The following WDR91 variants were observed in gnomAD, a reference collection of about 807,000 sequenced individuals.
The protein encoded by WDR91 is WD repeat domain 91, also known as WD repeat-containing protein 91.
In WDR91, 52 loss-of-function variants were observed where a neutral mutation model predicts 88.4. The observed-to-expected ratio is 0.59, with a 90% CI of 0.47 to 0.74. The LOEUF (loss-of-function observed/expected upper bound fraction) is 0.74. Ranked by LOEUF, WDR91 falls within the 30% of genes least tolerant of loss-of-function variation. The probability of loss-of-function intolerance (pLI) is 0.00; values close to 1 mark genes in which losing one functional copy is unlikely to be tolerated. For missense variants in WDR91, 824 were observed against 954.5 expected (o/e 0.86, Z 1.80); for synonymous variants, 362 against 389.5 (o/e 0.93, Z 0.83).
At chr7:135,186,899 A>G in intron 14 of WDR91, 73 bp downstream of exon 14, 3 of 1,574,808 alleles carry the variant, frequency 1.9e-6, no homozygotes, top group Non-Finnish European at 2.6e-6. Flanking sequence ...CTCAGTAGCC[A>G]TGGCCCAGAC....
Position 135,196,039 on chromosome 7 carries a change from C to T in WDR91, c.1244+105G>A, listed in dbSNP as rs1831352310. The T allele has an allele frequency of 6.0e-6, 7 of 1,175,404 alleles. No individual in the cohort carries two copies. Among genetic ancestry groups the T allele is most frequent in the Non-Finnish European group, 7.0e-6 (6 of 859,520 alleles). 72.8% of individuals were successfully genotyped at this position (1,175,404 alleles called of 1,614,324 possible). ...ACTCTACTGCCATGACTGTGGCCCT[C>T]GTCCAAGCCCCCATTCTCCGCCATC... On this transcript the variant is annotated intron_variant, in intron 8 of 14. Transcript: ENST00000354475. The surrounding 1 kb of genome is among the most constrained non-coding windows in gnomAD (Gnocchi z 4.2).
chr7:135,195,854 C>A (rs147700218), intron 8 of WDR91, among the ~76,000 whole-genome samples: 4 of 151,564 alleles, frequency 2.6e-5, no homozygotes, highest in Non-Finnish European at 4.4e-5. Context: ...GGCTGAGGCA[C>A]GAGAATCGCT....
intron 9 of WDR91, among the ~76,000 whole-genome samples, chr7:135,194,297 TG>T (rs1402824754): frequency 1.3e-5 from 2 of 152,194 alleles, no homozygotes; most frequent in Non-Finnish European, 2.9e-5. Flanking sequence ...GGCATTCACT[TG>T]GCAAACTGGC....
rs1831310954 is a variant in WDR91, at chr7:135,195,031, T to A, written c.1298A>T (p.Lys433Ile). Residue 433 changes from lysine (K) to isoleucine (I), a missense_variant, in exon 9 of 15, where the codon AAA becomes ATA. Physicochemically the swap from Lys to Ile is moderately radical, Grantham distance 102. Transcript: ENST00000354475. ...VASLDVDGVI[K>I]VWSFNPIMQT... ...CATGATGGGGTTGAAGGACCACACT[T>A]TGATGACCCCATCTACGTCTAAGCT... 1 of 1,614,020 alleles carries A rather than the reference T, an allele frequency of 6.2e-7. No individual in the cohort carries two copies. The highest frequency in any genetic ancestry group is 1.3e-5 in the African/African-American group (1 of 74,924).
chr7:135,197,045 T>G (rs1250400394), intron 7 of WDR91: 1 of 152,270 alleles, frequency 6.6e-6, no homozygotes, highest in Non-Finnish European at 1.5e-5. Flanking sequence ...GGTGCTCACC[T>G]AGACACAATC....
Position 135,193,352 on chromosome 7 carries a change from G to T in WDR91, c.1538C>A (p.Ser513Ter). 1 of 1,614,196 alleles carries T rather than the reference G, an allele frequency of 6.2e-7. No individual in the cohort carries two copies. Among genetic ancestry groups the T allele is most frequent in the South Asian group, 1.1e-5 (1 of 91,076 alleles). ...CSPNGASFVC[S>*]AAAPSLTSQV... ...GGAAGTGAGGCTCGGAGCTGCTGCC[G>T]AACAGACGAAAGAGGCCCCGTTGGG... Residue 513 changes from serine (S) to a stop codon, truncating the protein, a stop_gained, in exon 11 of 15, where the codon TCG becomes TAG. Transcript: ENST00000354475. LOFTEE classifies it high-confidence loss of function.
chr7:135,211,298 C>G (rs1832008510), intron 1 of WDR91, 82 bp downstream of exon 1: 2 of 1,511,658 alleles, frequency 1.3e-6, no homozygotes, highest in Admixed American at 2.2e-5. Context: ...CCGCTCTCGC[C>G]CCGGAGGCAG....
intron 6 of WDR91, 93 bp from the exon 7 acceptor site, chr7:135,198,244 TG>T: frequency 5.0e-6 from 7 of 1,404,438 alleles, no homozygotes; most frequent in Non-Finnish European, 6.7e-6. Context: ...CGGGGGGGCG[TG>T]GTGGGTTGGG....
chr7:135,204,277 G>A lies in WDR91; in HGVS notation c.882C>T (p.Phe294=), dbSNP rs199762627. The change falls in exon 6 of 15, where the codon TTC becomes TTT. Residue 294 remains phenylalanine (F), a synonymous_variant. Coordinates refer to ENST00000354475, the MANE Select transcript of WDR91 (RefSeq NM_014149.4). Reference sequence around the variant, plus strand: ...CAGGACTTGTGCTTACCTGACCACCGAAGGACTCTTTCTTGGCCGAGCTCT... The same window carrying A: ...CAGGACTTGTGCTTACCTGACCACCAAAGGACTCTTTCTTGGCCGAGCTCT... ...QPQSSAKKES[F]GGQGTKGKDP... 1.1e-4 allele frequency: 176 copies of A among 1,614,006 alleles called. 3 individuals carry two copies. The highest frequency in any genetic ancestry group is 6.4e-4 in the South Asian group (58 of 91,076).
intron 6 of WDR91, chr7:135,198,902 A>C (rs1467300687): frequency 6.6e-6 from 1 of 152,116 alleles, no homozygotes; most frequent in Admixed American, 6.5e-5. Flanking sequence ...AGGAGCTGCC[A>C]CCCCCACATC....
intron 11 of WDR91, among the ~76,000 whole-genome samples, chr7:135,190,709 AAC>A (rs1340789395): frequency 6.6e-6 from 1 of 152,244 alleles, no homozygotes; most frequent in African/African-American, 2.4e-5. Context: ...AAAAATGAGA[AAC>A]ACAATAACTG....
chr7:135,187,045 C>T lies in WDR91; in HGVS notation c.2006G>A (p.Gly669Asp), dbSNP rs1162650274. ...SGYKQVQVPRGRLFAFDSEGN... is the reference protein window; with the variant it reads ...SGYKQVQVPRDRLFAFDSEGN... ...CTCCGAGTCAAAAGCGAAGAGTCGG[C>T]CCCTGGGGACTTGAACCTGCTTGTA... The change falls in exon 14 of 15, where the codon GGC (glycine) becomes GAC (aspartate). Residue 669 changes from glycine (G) to aspartate (D), a missense_variant. Transcript: ENST00000354475. 6.2e-7 allele frequency: 1 copy of T among 1,614,142 alleles called. No individual in the cohort carries two copies.
Position 135,208,945 on chromosome 7 carries a change from G to A in WDR91, c.357C>T (p.Leu119=), listed in dbSNP as rs1831911518. ...AATCCTTCCACTCAGCCTGGTTCTG[G>A]AGTTCCGTGGCCTGCTTTGCAAAGA... The part of the protein sequence containing the change: ...QEFFAKQATE[L]QNQAEWKDWF... The change falls in exon 3 of 15, where the codon CTC becomes CTT. Residue 119 remains leucine, a synonymous_variant. Transcript: ENST00000354475. 1 of 1,614,216 alleles carries A rather than the reference G, an allele frequency of 6.2e-7. No homozygotes were observed. Among genetic ancestry groups the A allele is most frequent in the Non-Finnish European group, 8.5e-7 (1 of 1,180,046 alleles).
chr7:135,205,754 C>T (rs1831746817), intron 5 of WDR91, among the ~76,000 whole-genome samples, 174 bp downstream of exon 5: 1 of 152,132 alleles, frequency 6.6e-6, no homozygotes, highest in African/African-American at 2.4e-5. Flanking sequence ...AGCGAGACTC[C>T]ATCTCTAAAA....
At position 135,188,417 on chromosome 7, in the gene WDR91, T is replaced by A. The variant is rs780513679; in HGVS notation, c.1881+16A>T. 9 of 1,610,700 alleles carry A rather than the reference T, an allele frequency of 5.6e-6. No individual in the cohort carries two copies. The highest frequency in any genetic ancestry group is 1.7e-5 in the Admixed American group (1 of 60,002). On this transcript the variant is annotated intron_variant, in intron 13 of 14. Coordinates refer to ENST00000354475, the MANE Select transcript of WDR91 (RefSeq NM_014149.4). ...TCATCCCGGTGCTCTCTTATCTGAA[T>A]CCTGCAGCCGCCTACCTTCCCGTCC...
At position 135,194,945 on chromosome 7, in the gene WDR91, G is replaced by A. The variant is rs564192275; in HGVS notation, c.1384C>T (p.Arg462Trp). The stretch of plus-strand genomic sequence containing the variant: ...CCACCATTACTCACCAGTCTGTCCC[G>A]TTTGGTGGCCCATTCCAAAGACAGC... ...PLLSLEWATK[R>W]DRLLLLGSGV... is the part of the protein sequence containing the mutation. The change falls in exon 9 of 15, where the codon CGG becomes TGG. Residue 462 changes from arginine to tryptophan, a missense_variant. By Grantham distance (101) the Arg-to-Trp change is moderately radical. Transcript: ENST00000354475. The A allele has an allele frequency of 1.2e-5, 20 of 1,614,148 alleles. No homozygotes were observed. The highest frequency in any genetic ancestry group is 4.5e-5 in the East Asian group (2 of 44,896).
intron 5 of WDR91, among the ~76,000 whole-genome samples, chr7:135,205,065 C>A (rs764412285): frequency 3.3e-5 from 5 of 152,202 alleles, no homozygotes; most frequent in Non-Finnish European, 7.3e-5. Context: ...TCGTGACTCA[C>A]CAATCACTGT....
At chr7:135,192,108 GTTTTTTT>G (rs751914024) in intron 11 of WDR91, among the ~76,000 whole-genome samples, 32 of 50,684 alleles carry the variant, frequency 6.3e-4, no homozygotes, top group South Asian at 1.7e-3. Flanking sequence ...TTTCTGTTGT[GTTTTTTT>G]TTTTTTTTTT....
chr7:135,210,836 G>T (rs973940591), intron 1 of WDR91: 1 of 703,516 alleles, frequency 1.4e-6, no homozygotes, highest in African/African-American at 1.7e-5. Flanking sequence ...CAAGAACCTC[G>T]CAATGGAAAA....
Sources: gnomAD v4.1 joint callset for allele counts (sites outside exome capture counted in the v4.1 genomes callset) on GRCh38, gnomAD v4.1.1 for gene constraint, Gnocchi (gnomAD v3.1) non-coding constraint, MANE v1.5 for transcripts, NCBI Gene and HGNC (gene_info 2026-07-23, HGNC 2026-07-21) for gene names.